GPC6: variants seen among roughly 807,000 people sequenced by gnomAD.
The protein encoded by GPC6 is glypican-6.
In GPC6, 14 loss-of-function variants were observed where a neutral mutation model predicts 55.2. The ratio of observed to expected loss-of-function variants is 0.25; its 90% CI spans 0.17 to 0.40. The LOEUF (loss-of-function observed/expected upper bound fraction) is 0.40. Ranked by LOEUF, GPC6 falls within the 10% of genes least tolerant of loss-of-function variation. The pLI, the probability that GPC6 is intolerant of heterozygous loss-of-function variation, is 1.00. For missense variants in GPC6, 641 were observed against 708.5 expected, an observed-to-expected ratio of 0.90 and a Z score of 1.08; for synonymous variants, 278 against 259.6, an observed-to-expected ratio of 1.07 and a Z score of -0.68.
chr13:93,982,353 C>A (rs1880844062), intron 3 of GPC6, among the ~76,000 whole-genome samples: 1 of 152,056 alleles, frequency 6.6e-6, no homozygotes, highest in African/African-American at 2.4e-5. Context: ...TGATTAGTCC[C>A]AGATGTCTGG....
At chr13:93,333,062 G>A (rs1879909718) in intron 1 of GPC6, among the ~76,000 whole-genome samples, 1 of 152,134 alleles carries the variant, frequency 6.6e-6, no homozygotes, top group Non-Finnish European at 1.5e-5. Flanking sequence ...TGATCTATGT[G>A]TCTGTTTTTA....
intron 1 of GPC6, among the ~76,000 whole-genome samples, chr13:93,481,976 T>C (rs1398489047): frequency 6.6e-6 from 1 of 152,182 alleles, no homozygotes; most frequent in Admixed American, 6.5e-5. Flanking sequence ...ACAGAAATTG[T>C]ATTCAATCTT....
In GPC6 at chr13:94,011,149, T is replaced by G. The variant is rs566209545; in HGVS notation, c.712-16580T>G. On this transcript the variant is annotated intron_variant, in intron 3 of 8. Transcript: ENST00000377047. ...ATCAGTGCCATGGAATTCAGGGGGG[T>G]TTTTCCAGGGAAAAATTTTAGCAAA... Among the ~76,000 whole-genome samples the G allele has an allele frequency of 4.6e-5, 7 of 151,170 alleles. No homozygotes were observed. In the East Asian group the frequency reaches 9.7e-4, roughly 21 times the overall value.
At chr13:93,231,380 C>CATATATATAT (rs1204996148) in intron 1 of GPC6, among the ~76,000 whole-genome samples, 1 of 30,938 alleles carries the variant, frequency 3.2e-5, no homozygotes, top group Non-Finnish European at 6.0e-5. Flanking sequence ...TATATATATA[C>CATATATATAT]ATATATATAT....
At chr13:94,255,066 G>C (rs1473565183) in intron 4 of GPC6, among the ~76,000 whole-genome samples, 3 of 152,136 alleles carry the variant, frequency 2.0e-5, no homozygotes, top group South Asian at 4.1e-4. Context: ...GTGCTATGCA[G>C]AACAGGTAGT....
At chr13:93,359,211 CAGCCTAGGCTTCCCAA>C (rs1241840648) in intron 1 of GPC6, among the ~76,000 whole-genome samples, 1 of 152,102 alleles carries the variant, frequency 6.6e-6, no homozygotes, top group Non-Finnish European at 1.5e-5. Flanking sequence ...AGCAATCTTC[CAGCCTAGGCTTCCCAA>C]AGTGCCAGGA....
intron 2 of GPC6, among the ~76,000 whole-genome samples, chr13:93,710,973 C>A (rs1883035910): frequency 6.6e-6 from 1 of 151,788 alleles, no homozygotes. Context: ...GAAAGCATTT[C>A]TGTTCATAAC....
chr13:93,597,007 CAAAAAAAAAAAAAAAAAAA>C (rs10709473), intron 2 of GPC6, among the ~76,000 whole-genome samples: 2 of 68,062 alleles, frequency 2.9e-5, no homozygotes, highest in African/African-American at 7.6e-5. Flanking sequence ...TCAAATCTGG[CAAAAAAAAAAAAAAAAAAA>C]AAAAGAAAAG....
intron 1 of GPC6, among the ~76,000 whole-genome samples, chr13:93,499,102 C>CACACAG (rs1371652681): frequency 1.5e-5 from 2 of 137,434 alleles, no homozygotes; most frequent in Non-Finnish European, 3.4e-5. Flanking sequence ...CACACACACA[C>CACACAG]ACACACACAC....
At chr13:93,712,753 AT>A (rs1055014342) in intron 2 of GPC6, among the ~76,000 whole-genome samples, 1 of 151,484 alleles carries the variant, frequency 6.6e-6, no homozygotes, top group African/African-American at 2.4e-5. Context: ...AGTTTTTGCC[AT>A]TTTTTTAAGT....
chr13:93,474,884 C>T (rs2139333479), intron 1 of GPC6, among the ~76,000 whole-genome samples: 1 of 152,160 alleles, frequency 6.6e-6, no homozygotes, highest in Non-Finnish European at 1.5e-5. Context: ...TACTTAGTGC[C>T]AGGGATGGTG....
intron 3 of GPC6, among the ~76,000 whole-genome samples, chr13:93,871,221 G>T (rs1194118304): frequency 6.6e-6 from 1 of 151,906 alleles, no homozygotes; most frequent in Non-Finnish European, 1.5e-5. Context: ...CTGAACTTTG[G>T]CAAGTTATTT....
At chr13:93,312,794 T>G (rs1879118845) in intron 1 of GPC6, among the ~76,000 whole-genome samples, 1 of 152,204 alleles carries the variant, frequency 6.6e-6, no homozygotes, top group Non-Finnish European at 1.5e-5. Flanking sequence ...TCATGCTGTG[T>G]GTGATTTTGC....
rs573830232 is a variant in GPC6, at chr13:93,455,139, C to A, written c.161-90124C>A. On this transcript the variant is annotated intron_variant, in intron 1 of 8. Coordinates refer to ENST00000377047, the MANE Select transcript of GPC6 (RefSeq NM_005708.5). Reference sequence around the variant, plus strand: ...CTCCAGCTGGCCCGCAAGCGGCGCACGCAGCCCCGGTTCCCGCTTGCGCCT... The same window carrying A: ...CTCCAGCTGGCCCGCAAGCGGCGCAAGCAGCCCCGGTTCCCGCTTGCGCCT... Among the ~76,000 whole-genome samples the A allele has an allele frequency of 7.5e-4, 114 of 152,294 alleles. 3 individuals are homozygous for A. The highest frequency in any genetic ancestry group is 3.8e-4 in the African/African-American group (16 of 41,592).
At chr13:94,112,668 T>A (rs1337776209) in intron 4 of GPC6, among the ~76,000 whole-genome samples, 2 of 152,220 alleles carry the variant, frequency 1.3e-5, no homozygotes, top group Non-Finnish European at 2.9e-5. Context: ...TATTTTTTTG[T>A]TAAGCATCAG....
chr13:94,028,922 T>C (rs986919407), intron 4 of GPC6, among the ~76,000 whole-genome samples: 2 of 152,214 alleles, frequency 1.3e-5, no homozygotes, highest in Non-Finnish European at 2.9e-5. Context: ...TCTCCCCCTC[T>C]GTCAAATAGC....
In GPC6 at chr13:94,358,079, C is replaced by G. The variant is rs532608519; in HGVS notation, c.1153-24335C>G. On this transcript the variant is annotated intron_variant, in intron 6 of 8. Transcript: ENST00000377047. ...CCGAGGAGGGTGAATTACCTGACAT[C>G]AGGAGTTCGAGACCAGCCTGACCAG... Among the ~76,000 whole-genome samples, 4 of 152,216 alleles carry G rather than the reference C, an allele frequency of 2.6e-5. No individual in the cohort carries two copies. In the South Asian group the frequency reaches 8.3e-4, roughly 32 times the overall value.
At chr13:93,217,000 T>G in the GPC6 span, among the ~76,000 whole-genome samples, 7 of 152,266 alleles carry the variant, frequency 4.6e-5, no homozygotes, top group East Asian at 1.3e-3. Context: ...GATGGTTAAG[T>G]AATCCTTTAA....
chr13:94,259,854 T>A (rs555018166), intron 4 of GPC6, among the ~76,000 whole-genome samples: 51 of 152,296 alleles, frequency 3.3e-4, no homozygotes, highest in African/African-American at 1.2e-3. Flanking sequence ...ATTTTTATGG[T>A]TGAATAATAA....
Sources: gnomAD v4.1 joint callset for allele counts (sites outside exome capture counted in the v4.1 genomes callset) on GRCh38, gnomAD v4.1.1 for gene constraint, MANE v1.5 for transcripts, NCBI Gene and HGNC (gene_info 2026-07-23, HGNC 2026-07-21) for gene names.